The following TKTL1 variants were observed in gnomAD, a reference collection of about 807,000 sequenced individuals.
TKTL1 encodes transketolase-like protein 1.
Under a neutral mutation model 39.3 loss-of-function variants are expected in TKTL1, and 1 was observed. The observed-to-expected ratio is 0.03, with a 90% confidence interval of 0.01 to 0.12. The LOEUF is 0.12. Among genes scored for constraint, TKTL1 ranks in the 10% least tolerant of loss-of-function variants. The pLI is 1.00. For missense variants in TKTL1, 575 were observed against 509.6 expected, an observed-to-expected ratio of 1.13 and a Z score of -1.24; for synonymous variants, 262 against 193.8, an observed-to-expected ratio of 1.35 and a Z score of -2.92.
At chrX:154,299,791 C>T (rs1256570069) in intron 1 of TKTL1, among the ~76,000 whole-genome samples, 1 of 111,846 alleles carries the variant, frequency 8.9e-6, no homozygotes. Flanking sequence ...TATGGCTGAG[C>T]AGTATTCCAT....
chrX:154,326,220 A>G (rs957983836), intron 10 of TKTL1, among the ~76,000 whole-genome samples: 2 of 111,521 alleles, frequency 1.8e-5, no homozygotes, highest in Non-Finnish European at 3.8e-5. Context: ...AGGCCTGAGT[A>G]GTGAGCCCAG....
chrX:154,315,455 T>C, intron 7 of TKTL1, 118 bp downstream of exon 7: 2 of 830,311 alleles, frequency 2.4e-6, no homozygotes, highest in Admixed American at 6.4e-5. Context: ...GAAAAAAATT[T>C]CCTGGGAAGC....
intron 2 of TKTL1, among the ~76,000 whole-genome samples, chrX:154,309,026 C>T (rs782322378): frequency 6.3e-5 from 7 of 111,054 alleles, no homozygotes; most frequent in Non-Finnish European, 9.5e-5. Context: ...TCCCAAAGCT[C>T]CAGCCACCCT....
chrX:154,322,365 C>G (rs2067458655), intron 8 of TKTL1, among the ~76,000 whole-genome samples: 1 of 109,388 alleles, frequency 9.1e-6, no homozygotes, highest in Admixed American at 9.8e-5. Flanking sequence ...AACCCCATCT[C>G]TACTAAAAAT....
In TKTL1 at chrX:154,329,601, G is replaced by C. The variant is rs1175446850; in HGVS notation, c.1704G>C (p.Gln568His). ...VHSLAVSGVP[Q>H]SGKSEELLDM... ...CGCTGGCAGTGTCGGGAGTGCCCCA[G>C]AGTGGGAAGTCCGAGGAATTGCTGG... The change falls in exon 13 of 13, where the codon CAG (glutamine) becomes CAC (histidine). Residue 568 changes from glutamine to histidine, a missense_variant. Coordinates refer to ENST00000369915, the MANE Select transcript of TKTL1 (RefSeq NM_012253.4). 1.7e-6 allele frequency: 2 copies of C among 1,210,343 alleles called. No individual in the cohort carries two copies. The highest frequency in any genetic ancestry group is 2.2e-6 in the Non-Finnish European group (2 of 895,170).
At chrX:154,318,960 AAATTAT>A (rs1354089097) in intron 7 of TKTL1, among the ~76,000 whole-genome samples, 1 of 111,718 alleles carries the variant, frequency 9.0e-6, no homozygotes, top group African/African-American at 3.3e-5. Flanking sequence ...GGTTTTTAAA[AAATTAT>A]AATATAGGCT....
At chrX:154,296,321 A>G (rs181723414) in intron 1 of TKTL1, among the ~76,000 whole-genome samples, 12,053 of 110,760 alleles carry the variant, frequency 0.11, 1,546 homozygotes, top group African/African-American at 0.37. Flanking sequence ...AGGTGGCGGG[A>G]GAATGTCACT....
chrX:154,304,926 C>A, intron 1 of TKTL1: 1 of 834,895 alleles, frequency 1.2e-6, no homozygotes, highest in African/African-American at 2.1e-5. Flanking sequence ...AAAAGAAATT[C>A]ATTGTAGAAG....
intron 9 of TKTL1, among the ~76,000 whole-genome samples, chrX:154,324,280 G>A (rs2067476537): frequency 9.0e-6 from 1 of 111,078 alleles, no homozygotes; most frequent in South Asian, 3.7e-4. Flanking sequence ...TGCGACTAGA[G>A]GTGCACTCCA....
intron 2 of TKTL1, among the ~76,000 whole-genome samples, chrX:154,308,811 C>G (rs2067334085): frequency 1.8e-5 from 2 of 110,145 alleles, no homozygotes; most frequent in South Asian, 3.9e-4. Context: ...GTGGGCACTT[C>G]TAGATGAGCA....
chrX:154,306,145 TAA>T (rs34305192), intron 2 of TKTL1, among the ~76,000 whole-genome samples: 3 of 101,075 alleles, frequency 3.0e-5, no homozygotes, highest in Admixed American at 2.1e-4. Flanking sequence ...CGTCTCCACT[TAA>T]AAAAAAAAAA....
intron 2 of TKTL1, among the ~76,000 whole-genome samples, chrX:154,305,789 G>A (rs1474898907): frequency 2.7e-5 from 3 of 110,713 alleles, no homozygotes; most frequent in Admixed American, 9.6e-5. Flanking sequence ...GAGTGTAACC[G>A]GGAGGGACAT....
intron 2 of TKTL1, among the ~76,000 whole-genome samples, chrX:154,307,762 G>A (rs782341702): frequency 2.7e-4 from 30 of 112,469 alleles, no homozygotes; most frequent in Non-Finnish European, 5.4e-4. Flanking sequence ...ACTTCCAAGG[G>A]CATGCAAGGC....
At chrX:154,327,545 C>T (rs1302316650) in intron 10 of TKTL1, 46 bp from the exon 11 acceptor site, 7 of 1,107,660 alleles carry the variant, frequency 6.3e-6, no homozygotes, top group Admixed American at 4.4e-5. Context: ...GACATGCATT[C>T]TGTGTGTAGT....
intron 7 of TKTL1, among the ~76,000 whole-genome samples, chrX:154,319,498 T>C (rs909134775): frequency 1.2e-4 from 13 of 111,609 alleles, no homozygotes; most frequent in Non-Finnish European, 2.1e-4. Context: ...CCCAGAACTT[T>C]GGGAGGCCGG....
intron 6 of TKTL1, among the ~76,000 whole-genome samples, chrX:154,314,532 C>T (rs1214088951): frequency 9.0e-6 from 1 of 110,791 alleles, no homozygotes; most frequent in East Asian, 2.8e-4. Context: ...TAAAACTCAA[C>T]ATTTTTTTTT....
Position 154,315,323 on chromosome X carries a change from G to A in TKTL1, c.1015G>A (p.Ala339Thr). Residue 339 changes from alanine (A) to threonine (T), a missense_variant, in exon 7 of 13, where the codon GCT becomes ACT. Transcript: ENST00000369915. ...TGAGCGCTTCATCGAGTGCTTTATG[G>A]CTGAACAAAACATGGTGAGTGTGTA... The part of the protein sequence containing the change: ...YPERFIECFM[A>T]EQNMVSVALG... The A allele has an allele frequency of 5.0e-6, 6 of 1,209,896 alleles. No homozygotes were observed. The highest frequency in any genetic ancestry group is 1.7e-5 in the African/African-American group (1 of 57,789).
chrX:154,326,278 C>G (rs1232539812), intron 10 of TKTL1, among the ~76,000 whole-genome samples: 10 of 112,032 alleles, frequency 8.9e-5, no homozygotes, highest in Non-Finnish European at 1.7e-4. Flanking sequence ...CTCAGCCTGC[C>G]TGTCAGGGCC....
intron 1 of TKTL1, among the ~76,000 whole-genome samples, chrX:154,301,427 A>G (rs926951365): frequency 1.8e-5 from 2 of 110,974 alleles, no homozygotes; most frequent in African/African-American, 6.6e-5. Flanking sequence ...CGAGGCAGGA[A>G]AATCACTTGA....
Sources: allele counts gnomAD v4.1 joint callset (sites outside exome capture counted in the v4.1 genomes callset), GRCh38; gene constraint gnomAD v4.1.1; transcripts MANE v1.5; gene names NCBI Gene and HGNC (gene_info 2026-07-23, HGNC 2026-07-21).